Variants in DMXL2 observed in about 807,000 individuals in gnomAD.
The protein encoded by DMXL2 is Dmx like 2.
In DMXL2, 103 loss-of-function variants were observed where a neutral mutation model predicts 331.1. That is an observed-to-expected ratio of 0.31 (90% CI 0.27 to 0.37). The LOEUF is 0.37. DMXL2 is among the 10% of genes least tolerant of loss of function. DMXL2 has a pLI of 1.00. For synonymous variants in DMXL2, 1,281 were observed against 1,252.1 expected (o/e 1.02, Z -0.49); for missense variants, 3,171 against 3,642.9 (o/e 0.87, Z 3.33).
Position 51,536,808 on chromosome 15 carries a change from G to A in DMXL2, c.1672C>T (p.Leu558Phe), listed in dbSNP as rs747391295. ...VAFPSGDASS[L>F]SKNIMMYACI... ...GCATACATCATGATATTTTTACTAA[G>A]AGAGCTTGCATCACCAGAGGGAAAT... The change falls in exon 12 of 44, where the codon CTT (leucine) becomes TTT (phenylalanine). Residue 558 changes from leucine to phenylalanine, a missense_variant. Around this residue, in one of 7 missense-constraint regions of DMXL2, gnomAD observed 1,674 missense variants for 1,780.2 expected, o/e 0.94. Transcript: ENST00000560891. The A allele has an allele frequency of 6.2e-7, 1 of 1,613,594 alleles. No individual in the cohort carries two copies. The highest frequency in any genetic ancestry group is 8.5e-7 in the Non-Finnish European group (1 of 1,179,880).
chr15:51,465,906 T>C (rs2040526807), intron 30 of DMXL2, among the ~76,000 whole-genome samples: 1 of 152,200 alleles, frequency 6.6e-6, no homozygotes, highest in South Asian at 2.1e-4. Flanking sequence ...AGTATACCAA[T>C]AATTTATATA....
At chr15:51,593,561 A>G (rs1034864466) in intron 1 of DMXL2, among the ~76,000 whole-genome samples, 5 of 152,204 alleles carry the variant, frequency 3.3e-5, no homozygotes, top group Admixed American at 1.3e-4. Flanking sequence ...TGCACCAAGC[A>G]GACCTAATAG....
Position 51,467,665 on chromosome 15 carries a change from G to T in DMXL2, c.7393-1354C>A, listed in dbSNP as rs903571481. On this transcript the variant is annotated intron_variant, in intron 29 of 43. Coordinates refer to ENST00000560891, the MANE Select transcript of DMXL2 (RefSeq NM_001378457.1). ...CAAGAGAGTACAAATTAGTAATGTG[G>T]AAAATAATCTGGCAATATGTATTAA... 3.3e-5 allele frequency among the ~76,000 whole-genome samples: 5 copies of T among 151,844 alleles called. 1 individual carries two copies. The highest frequency in any genetic ancestry group is 1.5e-5 in the Non-Finnish European group (1 of 67,964).
At position 51,622,617 on chromosome 15, in the gene DMXL2, G is replaced by A. The variant is rs2054732613; in HGVS notation, c.-72C>T. On this transcript the variant is annotated 5_prime_UTR_variant, in exon 1 of 44. Coordinates refer to ENST00000560891, the MANE Select transcript of DMXL2 (RefSeq NM_001378457.1). ...CCGCGCCTGACCCTCCTCGGGCTGCGAGAGCCGTTTCCCTCTGTGCCTCCC... is the reference window on the plus strand; with the variant it reads ...CCGCGCCTGACCCTCCTCGGGCTGCAAGAGCCGTTTCCCTCTGTGCCTCCC... The A allele has an allele frequency of 1.0e-5, 15 of 1,495,786 alleles. 1 individual carries two copies. In the South Asian group the frequency reaches 1.0e-4, roughly 10 times the overall value. The allele number at this position is 1,495,786 out of a possible 1,614,324, so 92.7% of individuals were successfully genotyped here.
chr15:51,617,229 T>C (rs954024911), intron 1 of DMXL2, among the ~76,000 whole-genome samples: 5 of 152,034 alleles, frequency 3.3e-5, no homozygotes, highest in African/African-American at 9.7e-5. Context: ...ATAGCCCAAA[T>C]CCTAAGAACA....
Position 51,565,095 on chromosome 15 carries a change from A to G in DMXL2, c.357T>C (p.Asp119=). 1 of 1,532,364 alleles carries G rather than the reference A, an allele frequency of 6.5e-7. No individual in the cohort carries two copies. The highest frequency in any genetic ancestry group is 8.8e-7 in the Non-Finnish European group (1 of 1,142,666). 94.9% of individuals were successfully genotyped at this position (1,532,364 alleles called of 1,614,324 possible). Residue 119 remains aspartate, a synonymous_variant, in exon 4 of 44, where the codon GAT becomes GAC. Transcript: ENST00000560891. ...AATACAATTGCTAAATACCTTGAGG[A>G]TCCCATGCTAAGTTGTATGTCACAG... The part of the protein sequence containing the change: ...LSSVTYNLAW[D]PQDNRLLTAT...
At chr15:51,581,932 T>C (rs2051453088) in intron 1 of DMXL2, among the ~76,000 whole-genome samples, 1 of 152,158 alleles carries the variant, frequency 6.6e-6, no homozygotes, top group African/African-American at 2.4e-5. Context: ...CTAAGCATGT[T>C]GAGAGGTTTA....
intron 23 of DMXL2, among the ~76,000 whole-genome samples, chr15:51,482,381 G>A (rs1006055591): frequency 7.7e-4 from 117 of 152,210 alleles, no homozygotes; most frequent in African/African-American, 2.8e-3. Context: ...TTCATGCCAT[G>A]AGAATCCAAA....
chr15:51,526,487 A>G (rs565590311), intron 13 of DMXL2, among the ~76,000 whole-genome samples: 4 of 152,336 alleles, frequency 2.6e-5, no homozygotes, highest in South Asian at 2.1e-4. Flanking sequence ...CTCAATGTCC[A>G]TGCACCAAAG....
intron 1 of DMXL2, among the ~76,000 whole-genome samples, chr15:51,621,057 G>T (rs2054593887): frequency 6.6e-6 from 1 of 151,860 alleles, no homozygotes; most frequent in Admixed American, 6.6e-5. Context: ...CTTCCTATCT[G>T]CACTACTGGG....
intron 6 of DMXL2, among the ~76,000 whole-genome samples, chr15:51,548,460 G>C (rs893829700): frequency 6.6e-6 from 1 of 152,012 alleles, no homozygotes; most frequent in African/African-American, 2.4e-5. Flanking sequence ...CCCTTAGACA[G>C]CCACTTAACA....
intron 6 of DMXL2, among the ~76,000 whole-genome samples, chr15:51,562,396 G>A (rs1342278058): frequency 2.0e-5 from 3 of 151,970 alleles, no homozygotes; most frequent in Non-Finnish European, 4.4e-5. Flanking sequence ...ACCTATTGGG[G>A]GATATCTCCA....
chr15:51,522,674 A>G (rs2047445641), intron 13 of DMXL2, among the ~76,000 whole-genome samples: 1 of 152,162 alleles, frequency 6.6e-6, no homozygotes, highest in Non-Finnish European at 1.5e-5. Flanking sequence ...ATAAATAAAT[A>G]AACAAACAAG....
At chr15:51,497,321 C>T (rs2140474533) in intron 18 of DMXL2, among the ~76,000 whole-genome samples, 1 of 152,290 alleles carries the variant, frequency 6.6e-6, no homozygotes, top group South Asian at 2.1e-4. Context: ...CCCCACAGAT[C>T]TGGAAATCAT....
chr15:51,450,488 T>C (rs1174706898), intron 42 of DMXL2, 142 bp from the exon 43 acceptor site: 5 of 816,404 alleles, frequency 6.1e-6, no homozygotes, highest in Non-Finnish European at 9.6e-6. Context: ...AGTCATTGAA[T>C]TTCTGTAATC....
chr15:51,500,238 A>T lies in DMXL2; in HGVS notation c.2993-7T>A, dbSNP rs1409011818. ...GAAGAAGAACTCAGATGGCCTTAAAAAAGAAAAAGCAAATAGTTAGTTGTA... is the reference window on the plus strand; with the variant it reads ...GAAGAAGAACTCAGATGGCCTTAAATAAGAAAAAGCAAATAGTTAGTTGTA... On this transcript the variant is annotated splice_polypyrimidine_tract_variant and splice_region_variant and intron_variant, in intron 17 of 43. Transcript: ENST00000560891. The T allele has an allele frequency of 5.7e-6, 9 of 1,575,804 alleles. No homozygotes were observed. In the East Asian group the frequency reaches 2.0e-4, roughly 35 times the overall value.
chr15:51,482,416 A>G (rs8042221), intron 23 of DMXL2, among the ~76,000 whole-genome samples: 75,807 of 151,918 alleles, frequency 0.5, 19,142 homozygotes, highest in Non-Finnish European at 0.52. Flanking sequence ...ACACAAACTT[A>G]ACATCTAAGA....
At chr15:51,492,702 G>C (rs1289522682) in intron 19 of DMXL2, among the ~76,000 whole-genome samples, 1 of 152,152 alleles carries the variant, frequency 6.6e-6, no homozygotes, top group Non-Finnish European at 1.5e-5. Flanking sequence ...ATCAATAATG[G>C]GAATGCTGGC....
intron 1 of DMXL2, among the ~76,000 whole-genome samples, chr15:51,582,380 T>C (rs2051490946): frequency 6.6e-6 from 1 of 152,184 alleles, no homozygotes. Context: ...TTTTGCTCTT[T>C]ATTAATTGCA....
Sources: allele counts gnomAD v4.1 joint callset (sites outside exome capture counted in the v4.1 genomes callset), GRCh38; gene constraint gnomAD v4.1.1; regional missense constraint gnomAD v4.1.1; transcripts MANE v1.5; gene names NCBI Gene and HGNC (gene_info 2026-07-23, HGNC 2026-07-21).